PDK1: variants seen among roughly 807,000 people sequenced by gnomAD.
PDK1 encodes the protein [Pyruvate dehydrogenase (acetyl-transferring)] kinase isozyme 1, mitochondrial.
In PDK1, 39 loss-of-function variants were observed where a neutral mutation model predicts 54.2. The observed-to-expected ratio is 0.72, with a 90% confidence interval of 0.56 to 0.94. The LOEUF is 0.94. PDK1 is among the 40% of genes least tolerant of loss of function. The pLI is 0.00. For synonymous variants in PDK1, 221 were observed against 207.1 expected, an observed-to-expected ratio of 1.07 and a Z score of -0.58; for missense variants, 552 against 566.0, an observed-to-expected ratio of 0.98 and a Z score of 0.25.
chr2:172,704,152 G>A, the PDK1 span, among the ~76,000 whole-genome samples: 1 of 152,150 alleles, frequency 6.6e-6, no homozygotes, highest in African/African-American at 2.4e-5. Flanking sequence ...ATGTTCTCAC[G>A]GTTCCACTTC....
At chr2:172,563,958 TC>T (rs1379847473) in intron 3 of PDK1, 1 of 464,662 alleles carries the variant, frequency 2.2e-6, no homozygotes, top group African/African-American at 2.0e-5. Flanking sequence ...TGTTTACTTT[TC>T]CTCTCCCATT....
the PDK1 span, among the ~76,000 whole-genome samples, chr2:172,633,867 ATTTTTT>A: frequency 1.4e-3 from 98 of 68,840 alleles, no homozygotes; most frequent in African/African-American, 5.6e-3. Flanking sequence ...TTAGTCTATG[ATTTTTT>A]TTTTTTTTTT....
At chr2:172,687,121 A>G in the PDK1 span, among the ~76,000 whole-genome samples, 3 of 137,608 alleles carry the variant, frequency 2.2e-5, no homozygotes, top group Non-Finnish European at 5.2e-5. Context: ...AGTAATATGT[A>G]GAAGTTGTAA....
At chr2:172,622,719 T>C in the PDK1 span, among the ~76,000 whole-genome samples, 76 of 122,086 alleles carry the variant, frequency 6.2e-4, no homozygotes, top group Non-Finnish European at 1.2e-3. Context: ...TTATGTGAGA[T>C]ATGTTTATAT....
the PDK1 span, among the ~76,000 whole-genome samples, chr2:172,720,110 C>G: frequency 4.4e-3 from 452 of 103,424 alleles, 8 homozygotes; most frequent in Admixed American, 0.044. Flanking sequence ...CTCTCTCTCT[C>G]TCTCTCTTTT....
chr2:172,700,323 A>T, the PDK1 span, among the ~76,000 whole-genome samples: 2 of 150,592 alleles, frequency 1.3e-5, no homozygotes, highest in Admixed American at 6.6e-5. Context: ...CACTTCCCAG[A>T]CGGGGCGGCC....
the PDK1 span, among the ~76,000 whole-genome samples, chr2:172,635,703 C>G: frequency 6.6e-6 from 1 of 152,228 alleles, no homozygotes; most frequent in African/African-American, 2.4e-5. Flanking sequence ...CCCCCTCCAC[C>G]CCGGGGCTAA....
chr2:172,602,718 G>A lies in PDK1; in HGVS notation c.*6749G>A, dbSNP rs1046520031. On this transcript the variant is annotated 3_prime_UTR_variant, in exon 11 of 11. Transcript: ENST00000282077. The stretch of plus-strand genomic sequence containing the variant: ...GGAAAGAAACATCTTATGTTTCTGT[G>A]TTTGGGTAAACATTAGACTTATAAA... 1 of 152,206 alleles carries A rather than the reference G, an allele frequency of 6.6e-6. No individual in the cohort carries two copies. The highest frequency in any genetic ancestry group is 1.5e-5 in the Non-Finnish European group (1 of 68,030). The allele number at this position is 152,206 out of a possible 1,614,324, so 9.4% of individuals were successfully genotyped here.
At chr2:172,638,280 G>A in the PDK1 span, among the ~76,000 whole-genome samples, 297 of 152,254 alleles carry the variant, frequency 2.0e-3, no homozygotes, top group Non-Finnish European at 3.5e-3. Flanking sequence ...GATGCCACTC[G>A]TTACTACAAA....
intron 8 of PDK1, among the ~76,000 whole-genome samples, chr2:172,572,432 C>T (rs1689330922): frequency 6.6e-6 from 1 of 152,086 alleles, no homozygotes; most frequent in South Asian, 2.1e-4. Context: ...TAAGAAAAAA[C>T]CCAAGTACTC....
the PDK1 span, among the ~76,000 whole-genome samples, chr2:172,696,172 C>A: frequency 1.5e-3 from 187 of 121,894 alleles, no homozygotes; most frequent in East Asian, 2.7e-3. Flanking sequence ...AACTCTGTCT[C>A]AAAAAAAAAA....
intron 3 of PDK1, chr2:172,562,782 G>C: frequency 6.2e-7 from 1 of 1,610,946 alleles, no homozygotes; most frequent in Non-Finnish European, 8.5e-7. Context: ...AGTTTATGCT[G>C]TATGGCCTGC....
intron 8 of PDK1, among the ~76,000 whole-genome samples, chr2:172,571,440 T>A (rs778732577): frequency 6.6e-6 from 1 of 152,216 alleles, no homozygotes; most frequent in Admixed American, 6.5e-5. Context: ...CATCACTCAC[T>A]GTGACCTTGA....
the PDK1 span, among the ~76,000 whole-genome samples, chr2:172,621,901 A>G: frequency 6.8e-6 from 1 of 146,300 alleles, no homozygotes; most frequent in South Asian, 2.1e-4. Context: ...TATGTATGAT[A>G]TATGTTTATA....
chr2:172,660,243 C>CTTTT, the PDK1 span, among the ~76,000 whole-genome samples: 5 of 34,186 alleles, frequency 1.5e-4, no homozygotes, highest in Non-Finnish European at 3.5e-4. Context: ...CTCTCTCTCT[C>CTTTT]TCTCTTTTTT....
chr2:172,678,368 A>G, the PDK1 span, among the ~76,000 whole-genome samples: 1 of 151,942 alleles, frequency 6.6e-6, no homozygotes, highest in African/African-American at 2.4e-5. Context: ...TTTTAAATGT[A>G]GAGGTAAATG....
At chr2:172,690,665 G>A in the PDK1 span, among the ~76,000 whole-genome samples, 2 of 150,168 alleles carry the variant, frequency 1.3e-5, no homozygotes, top group Non-Finnish European at 3.0e-5. Context: ...GGAATACTAC[G>A]CAGCCACGAA....
chr2:172,565,116 C>G (rs760377304), intron 5 of PDK1, 43 bp downstream of exon 5: 2 of 1,160,342 alleles, frequency 1.7e-6, no homozygotes, highest in Middle Eastern at 1.9e-4. Context: ...ATACAAAAAT[C>G]AAAATTATTG....
downstream of PDK1, among the ~76,000 whole-genome samples, chr2:172,610,332 A>T (rs570302187): frequency 1.3e-5 from 2 of 152,142 alleles, no homozygotes; most frequent in South Asian, 4.2e-4. Flanking sequence ...CAGTATGTTT[A>T]GGCACTGCCT....
Sources: gnomAD v4.1 joint callset for allele counts (sites outside exome capture counted in the v4.1 genomes callset) on GRCh38, gnomAD v4.1.1 for gene constraint, MANE v1.5 for transcripts, NCBI Gene and HGNC (gene_info 2026-07-23, HGNC 2026-07-21) for gene names.